The following GTF3C2 variants were observed in gnomAD, a reference collection of about 807,000 sequenced individuals.
GTF3C2 encodes the protein general transcription factor 3C polypeptide 2.
Under a neutral mutation model 117.4 loss-of-function variants are expected in GTF3C2, and 17 were observed. The ratio of observed to expected loss-of-function variants is 0.14; its 90% confidence interval spans 0.10 to 0.22. GTF3C2 has a LOEUF of 0.22. GTF3C2 is among the 10% of genes least tolerant of loss of function. The probability of loss-of-function intolerance (pLI) is 1.00; values close to 1 mark genes in which losing one functional copy is unlikely to be tolerated. For synonymous variants in GTF3C2, 437 were observed against 427.0 expected (o/e 1.02, Z -0.29); for missense variants, 888 against 1,143.6 (o/e 0.78, Z 3.22).
chr2:27,326,592 A>G (rs1680079004), exon 19 of GTF3C2: 2 of 992,370 alleles, frequency 2.0e-6, no homozygotes, highest in Admixed American at 2.0e-5. Context: ...TGTCCAGGGA[A>G]GGCCCCCAGT....
intron 1 of GTF3C2, among the ~76,000 whole-genome samples, chr2:27,345,263 G>A (rs1421181022): frequency 5.9e-5 from 9 of 151,608 alleles, no homozygotes; most frequent in African/African-American, 1.9e-4. Context: ...AAGCAACACC[G>A]TCTCAAGTAA....
chr2:27,336,514 C>T, intron 7 of GTF3C2, 89 bp from the exon 8 acceptor site: 1 of 746,784 alleles, frequency 1.3e-6, no homozygotes, highest in South Asian at 1.7e-5. Context: ...CCAGTATGAA[C>T]TGGCTCAAGC....
intron 4 of GTF3C2, chr2:27,340,348 A>C (rs1680680032): frequency 6.6e-6 from 1 of 152,056 alleles, no homozygotes; most frequent in African/African-American, 2.4e-5. Flanking sequence ...CTCCTGCCTC[A>C]GCCTCCCGAG....
chr2:27,350,652 G>T (rs1395908971), intron 1 of GTF3C2: 4 of 223,530 alleles, frequency 1.8e-5, no homozygotes, highest in African/African-American at 2.3e-5. Flanking sequence ...AATTTTTTTT[G>T]AAAATTAGCT....
chr2:27,341,875 C>T (rs1680746069), intron 4 of GTF3C2, 73 bp downstream of exon 4: 4 of 1,297,228 alleles, frequency 3.1e-6, no homozygotes, highest in Non-Finnish European at 4.4e-6. Flanking sequence ...AGCTGTCCTT[C>T]CTTTCTCAGT....
At chr2:27,338,217 A>C in intron 4 of GTF3C2, 197 bp from the exon 5 acceptor site, 1 of 571,124 alleles carries the variant, frequency 1.8e-6, no homozygotes, top group South Asian at 2.0e-5. Flanking sequence ...CTCCATCGAA[A>C]ATGCAAAATC....
exon 18 of GTF3C2, chr2:27,327,222 A>G (rs763103939): frequency 1.1e-5 from 18 of 1,610,232 alleles, no homozygotes; most frequent in Non-Finnish European, 1.4e-5. Flanking sequence ...AGAGTTGAGA[A>G]TGCCCCTCTC....
In GTF3C2 at chr2:27,334,006, G is replaced by A. The variant is rs182902396; in HGVS notation, c.1577-7C>T. On this transcript the variant is annotated splice_polypyrimidine_tract_variant and splice_region_variant and intron_variant, in intron 10 of 18. Coordinates refer to ENST00000264720, the Ensembl canonical transcript of GTF3C2. ...ATGGCAGGCTTCACTGCATCTGTGA[G>A]GAAAAAGAGCAGGAACTAACTCTAT... The A allele has an allele frequency of 5.7e-4, 924 of 1,606,956 alleles. 6 individuals carry two copies. The African/African-American group carries it at 0.011, about 19-fold the overall frequency.
rs766951232 is a variant in GTF3C2, at chr2:27,356,005, G to A, written c.-25+734C>T. ...CTATTCAGAAAACAATAGTACAATT[G>A]ATAAGAGATTGCAAAAATAGTGATG... On this transcript the variant is annotated intron_variant, in intron 1 of 18. Transcript: ENST00000264720. The A allele has an allele frequency of 3.1e-4, 252 of 817,282 alleles. 3 individuals carry two copies. Among genetic ancestry groups the A allele is most frequent in the Middle Eastern group, 1.6e-3 (6 of 3,812 alleles). The allele number at this position is 817,282 out of a possible 1,614,324, so 50.6% of individuals were successfully genotyped here.
At chr2:27,334,433 T>C (rs1373340892) in intron 10 of GTF3C2, among the ~76,000 whole-genome samples, 1 of 152,090 alleles carries the variant, frequency 6.6e-6, no homozygotes, top group Non-Finnish European at 1.5e-5. Flanking sequence ...TCTCTTCTCA[T>C]CCTCTAGCAC....
intron 1 of GTF3C2, chr2:27,356,250 C>A: frequency 2.1e-6 from 1 of 468,860 alleles, no homozygotes. Flanking sequence ...CGGGGCACAA[C>A]CCTCGGGGTT....
At chr2:27,340,086 A>C (rs1463427924) in intron 4 of GTF3C2, 1 of 149,828 alleles carries the variant, frequency 6.7e-6, no homozygotes, top group African/African-American at 2.5e-5. Context: ...TCGTGTTCCC[A>C]GGTTCAGTGC....
intron 1 of GTF3C2, among the ~76,000 whole-genome samples, chr2:27,344,507 C>T (rs1037138534): frequency 3.9e-4 from 59 of 152,158 alleles, no homozygotes; most frequent in Non-Finnish European, 6.6e-4. Flanking sequence ...CATACACACA[C>T]TCCAAAAAAG....
intron 1 of GTF3C2, among the ~76,000 whole-genome samples, chr2:27,348,998 A>C (rs963699687): frequency 6.6e-5 from 10 of 150,950 alleles, no homozygotes; most frequent in Admixed American, 2.0e-4. Context: ...CACCACACCC[A>C]GCTAATTTTT....
intron 1 of GTF3C2, among the ~76,000 whole-genome samples, chr2:27,348,460 C>T (rs905988515): frequency 2.0e-5 from 3 of 151,616 alleles, no homozygotes; most frequent in East Asian, 1.9e-4. Flanking sequence ...ACAAAAAAAC[C>T]GAAAACATGT....
intron 1 of GTF3C2, among the ~76,000 whole-genome samples, chr2:27,353,381 C>CAA (rs534971452): frequency 5.7e-5 from 7 of 123,068 alleles, no homozygotes; most frequent in South Asian, 2.6e-4. Context: ...GACTCCGTCT[C>CAA]AAAAAAAAAA....
At chr2:27,336,856 CT>C in intron 7 of GTF3C2, 3 of 226,212 alleles carry the variant, frequency 1.3e-5, no homozygotes, top group Admixed American at 5.1e-5. Flanking sequence ...GTAATCCTCC[CT>C]TTTTGGCCTC....
At position 27,327,323 on chromosome 2, in the gene GTF3C2, C is replaced by T. The variant is rs190168791; in HGVS notation, c.2410-39G>A. The T allele has an allele frequency of 3.6e-4, 393 of 1,103,502 alleles. 1 individual carries two copies. In the African/African-American group the frequency reaches 4.6e-3, roughly 13 times the overall value. The allele number at this position is 1,103,502 out of a possible 1,614,324, so 68.4% of individuals were successfully genotyped here. A position where few individuals can be genotyped will look rare whatever the true frequency, so the allele number is the denominator to read the frequency against. On this transcript the variant is annotated intron_variant, in intron 17 of 18. Transcript: ENST00000264720. ...ATGGAATAGGAGAGAGAAAGTGAGA[C>T]GCTCGTTTGTTTTTTTTAAGACGGA...
At position 27,342,816 on chromosome 2, in the gene GTF3C2, C is replaced by G; in HGVS notation, c.569+10G>C. 6.2e-7 allele frequency: 1 copy of G among 1,607,380 alleles called. No homozygotes were observed. Among genetic ancestry groups the G allele is most frequent in the East Asian group, 2.2e-5 (1 of 44,852 alleles). On this transcript the variant is annotated intron_variant, in intron 3 of 18. Transcript: ENST00000264720. ...CCCCCCTCCACCAAGCTATGCCCCACAATCCTTACACTTGGGCAGCCCTTC... is the reference window on the plus strand; with the variant it reads ...CCCCCCTCCACCAAGCTATGCCCCAGAATCCTTACACTTGGGCAGCCCTTC...
Sources: allele counts gnomAD v4.1 joint callset (sites outside exome capture counted in the v4.1 genomes callset), GRCh38; gene constraint gnomAD v4.1.1; transcripts MANE v1.5; gene names NCBI Gene and HGNC (gene_info 2026-07-23, HGNC 2026-07-21).